WDR11: variants seen among roughly 807,000 people sequenced by gnomAD.
WDR11 encodes the protein WD repeat domain 11, also known as WD repeat-containing protein 11.
WDR11 carries 83 observed loss-of-function variants against 151.2 expected under a neutral mutation model. The observed-to-expected ratio is 0.55, with a 90% confidence interval of 0.46 to 0.66. The LOEUF is 0.66. WDR11 is among the 30% of genes least tolerant of loss of function. The probability of loss-of-function intolerance (pLI) is 0.00; values close to 1 mark genes in which losing one functional copy is unlikely to be tolerated. For missense variants in WDR11, 1,301 were observed against 1,480.9 expected (o/e 0.88, Z 1.99); for synonymous variants, 484 against 533.1 (o/e 0.91, Z 1.27).
chr10:120,859,972 CA>C, intron 3 of WDR11, 136 bp from the exon 4 acceptor site: 1 of 891,314 alleles, frequency 1.1e-6, no homozygotes, highest in East Asian at 2.6e-5. Context: ...CACACACACA[CA>C]CACACGTCAC....
chr10:120,885,864 A>T lies in WDR11; in HGVS notation c.1899A>T (p.Ala633=), dbSNP rs7899928. The change falls in exon 15 of 29, where the codon GCA becomes GCT. Residue 633 remains alanine (A), a synonymous_variant. Transcript: ENST00000263461. ...NLKSLRKKQL[A]TREAMARQTV... ...AGAGCCTGAGAAAGAAGCAACTTGC[A>T]ACTCGAGAGGCCATGGCCCGCCAGA... 565,132 of 1,613,346 alleles carry T rather than the reference A, an allele frequency of 0.35. 100,724 individuals carry two copies. Among genetic ancestry groups the T allele is most frequent in the Admixed American group, 0.5 (29,833 of 59,982 alleles).
chr10:120,889,721 T>C (rs1847352762), intron 17 of WDR11, 174 bp from the exon 18 acceptor site: 1 of 636,058 alleles, frequency 1.6e-6, no homozygotes, highest in Non-Finnish European at 2.8e-6. Flanking sequence ...AAGTCTTAGC[T>C]GACCTTAAAG....
chr10:120,865,710 T>C lies in WDR11; in HGVS notation c.960T>C (p.Tyr320=). The C allele has an allele frequency of 6.2e-7, 1 of 1,609,956 alleles. No individual in the cohort carries two copies. The highest frequency in any genetic ancestry group is 1.1e-5 in the South Asian group (1 of 90,768). ...TAACTTTACGTGTTCGAAGATCTTA[T>C]AATAACATTTTTACCACTTCAAATG... is the stretch of plus-strand genomic sequence containing the variant. The part of the protein sequence containing the change: ...GCITLRVRRS[Y]NNIFTTSNEE... The change falls in exon 7 of 29, where the codon TAT becomes TAC. Residue 320 remains tyrosine (Y), a synonymous_variant. Coordinates refer to ENST00000263461, the MANE Select transcript of WDR11 (RefSeq NM_018117.12).
chr10:120,877,771 T>TA (rs1009186136), intron 11 of WDR11, among the ~76,000 whole-genome samples: 9 of 152,228 alleles, frequency 5.9e-5, no homozygotes, highest in African/African-American at 2.2e-4. Flanking sequence ...AGTGTGTTTT[T>TA]AAAAAATCAT....
intron 1 of WDR11, 55 bp from the exon 2 acceptor site, chr10:120,852,469 A>G: frequency 1.4e-6 from 2 of 1,475,234 alleles, no homozygotes; most frequent in Non-Finnish European, 1.9e-6. Context: ...CTTGGCAAGA[A>G]AGAAGTCGTC....
At chr10:120,857,904 A>G (rs891245716) in intron 2 of WDR11, among the ~76,000 whole-genome samples, 1 of 152,236 alleles carries the variant, frequency 6.6e-6, no homozygotes, top group Admixed American at 6.5e-5. Flanking sequence ...TGTAAATAAA[A>G]TAAGTACAAA....
intron 4 of WDR11, among the ~76,000 whole-genome samples, chr10:120,861,994 G>A (rs1220583399): frequency 1.3e-5 from 2 of 152,154 alleles, no homozygotes; most frequent in Admixed American, 1.3e-4. Context: ...TTTAGACTGA[G>A]TAGCTCAGGA....
In WDR11 at chr10:120,873,717, G is replaced by A. The variant is rs1846629758; in HGVS notation, c.1472-122G>A. 2.2e-5 allele frequency: 16 copies of A among 736,700 alleles called. 1 individual carries two copies. The highest frequency in any genetic ancestry group is 2.1e-4 in the South Asian group (15 of 70,172). 45.6% of individuals were successfully genotyped at this position (736,700 alleles called of 1,614,324 possible). A position where few individuals can be genotyped will look rare whatever the true frequency, so the allele number is the denominator to read the frequency against. On this transcript the variant is annotated intron_variant, in intron 10 of 28. Coordinates refer to ENST00000263461, the MANE Select transcript of WDR11 (RefSeq NM_018117.12). ...CTTTGTGTGTTTGTTTAAACACATA[G>A]TTTGGGTTTCTTTTATAAAAGATAA...
intron 22 of WDR11, 86 bp downstream of exon 22, chr10:120,902,408 G>A: frequency 8.5e-7 from 1 of 1,178,732 alleles, no homozygotes; most frequent in South Asian, 1.3e-5. Flanking sequence ...GAAACACTTA[G>A]ATTTTAGAAA....
intron 5 of WDR11, among the ~76,000 whole-genome samples, chr10:120,864,303 C>T (rs1482041536): frequency 6.6e-6 from 1 of 151,996 alleles, no homozygotes; most frequent in East Asian, 1.9e-4. Flanking sequence ...ATTTCAAAGC[C>T]TTTTAATAAA....
chr10:120,877,512 G>A (rs1846837197), intron 11 of WDR11, among the ~76,000 whole-genome samples: 1 of 152,114 alleles, frequency 6.6e-6, no homozygotes, highest in African/African-American at 2.4e-5. Context: ...TCAGCCATTT[G>A]GGAGCCTGAG....
intron 12 of WDR11, chr10:120,878,887 T>C (rs1470878625): frequency 6.4e-6 from 1 of 156,108 alleles, no homozygotes; most frequent in Non-Finnish European, 1.4e-5. Flanking sequence ...ATTTAAAACT[T>C]GTAATAGTCT....
At chr10:120,851,865 C>T (rs1845788351) in intron 1 of WDR11, 2 of 379,534 alleles carry the variant, frequency 5.3e-6, no homozygotes, top group African/African-American at 4.2e-5. Context: ...CCCATCCTGT[C>T]TTTTCTTTTT....
At chr10:120,881,907 G>A (rs1169487478) in intron 13 of WDR11, among the ~76,000 whole-genome samples, 1 of 151,016 alleles carries the variant, frequency 6.6e-6, no homozygotes, top group Non-Finnish European at 1.5e-5. Flanking sequence ...TCAGCTACGA[G>A]CTGACATCTT....
chr10:120,905,977 CCT>C lies in WDR11; in HGVS notation c.3400_3401del (p.Leu1134GlyfsTer5). On this transcript the variant is annotated frameshift_variant, in exon 27 of 29. Coordinates refer to ENST00000263461, the MANE Select transcript of WDR11 (RefSeq NM_018117.12). LOFTEE classifies it high-confidence loss of function. ...NQKSKALLVL[L>X]SLGCFFSVAE... ...AGAAATCAAAGGCTCTCCTGGTTCTCCTCTCTCTGGGCTGCTTTTTTAGCGTG... is the reference window on the plus strand; with the variant it reads ...AGAAATCAAAGGCTCTCCTGGTTCTCCTCTCTGGGCTGCTTTTTTAGCGTG... The C allele has an allele frequency of 1.2e-6, 2 of 1,613,984 alleles. No individual in the cohort carries two copies. The highest frequency in any genetic ancestry group is 1.7e-6 in the Non-Finnish European group (2 of 1,180,018).
rs1334241477 is a variant in WDR11 at position 120,862,908 on chromosome 10, CAA to C, written c.701_702del (p.Gln234ArgfsTer4). Reference sequence around the variant, plus strand: ...AAATAAAGTAAAAATTTTAATCACTCAAGAGAAACCTAGGTAAGTTACAAGTG... The same window carrying C: ...AAATAAAGTAAAAATTTTAATCACTCGAGAAACCTAGGTAAGTTACAAGTG... Reference protein sequence around the residue: ...ALNKVKILITQEKPSAEFITL... With the variant: ...ALNKVKILITXEKPSAEFITL... On this transcript the variant is annotated frameshift_variant, in exon 5 of 29. Transcript: ENST00000263461. LOFTEE classifies it high-confidence loss of function. The C allele has an allele frequency of 6.2e-7, 1 of 1,608,342 alleles. No homozygotes were observed. Among genetic ancestry groups the C allele is most frequent in the Non-Finnish European group, 8.5e-7 (1 of 1,174,948 alleles).
chr10:120,858,859 G>C, intron 3 of WDR11, 63 bp downstream of exon 3: 2 of 1,593,400 alleles, frequency 1.3e-6, no homozygotes, highest in East Asian at 2.2e-5. Flanking sequence ...GTGGTTTTTT[G>C]GTTTTGGGGG....
At position 120,871,318 on chromosome 10, in the gene WDR11, C is replaced by T; in HGVS notation, c.1443C>T (p.Ile481=). Residue 481 remains isoleucine (I), a synonymous_variant, in exon 10 of 29, where the codon ATC becomes ATT. Transcript: ENST00000263461. ...GTCCACCGTTGACCACAAAAAACAT[C>T]AAGATGTATCAGCCACTGCTGGCTG... is the stretch of plus-strand genomic sequence containing the variant. ...RMCPPLTTKN[I]KMYQPLLAVG... is the part of the protein sequence containing the mutation. 6.2e-7 allele frequency: 1 copy of T among 1,613,994 alleles called. No individual in the cohort carries two copies. The highest frequency in any genetic ancestry group is 8.5e-7 in the Non-Finnish European group (1 of 1,180,008).
chr10:120,902,079 T>G (rs1847844408), intron 21 of WDR11, among the ~76,000 whole-genome samples, 178 bp from the exon 22 acceptor site: 2 of 152,262 alleles, frequency 1.3e-5, no homozygotes, highest in Non-Finnish European at 2.9e-5. Context: ...TTGAGAACAC[T>G]CTCAGCCCCC....
Sources: allele counts gnomAD v4.1 joint callset (sites outside exome capture counted in the v4.1 genomes callset), GRCh38; gene constraint gnomAD v4.1.1; transcripts MANE v1.5; gene names NCBI Gene and HGNC (gene_info 2026-07-23, HGNC 2026-07-21).